Variants in AUTS2 observed in about 807,000 individuals in gnomAD.
The protein encoded by AUTS2 is autism susceptibility gene 2 protein.
Under a neutral mutation model 112.4 loss-of-function variants are expected in AUTS2, and 17 were observed. The ratio of observed to expected loss-of-function variants is 0.15; its 90% confidence interval spans 0.10 to 0.23. The LOEUF (loss-of-function observed/expected upper bound fraction) is 0.23. AUTS2 is among the 10% of genes least tolerant of loss of function. The pLI is 1.00. For synonymous variants in AUTS2, 751 were observed against 702.7 expected, an observed-to-expected ratio of 1.07 and a Z score of -1.09; for missense variants, 1,510 against 1,701.6, an observed-to-expected ratio of 0.89 and a Z score of 1.98.
At chr7:70,647,504 G>C (rs1053561818) in intron 5 of AUTS2, among the ~76,000 whole-genome samples, 15 of 152,188 alleles carry the variant, frequency 9.9e-5, no homozygotes, top group African/African-American at 3.6e-4. Flanking sequence ...AACTTGGCCA[G>C]CTCTGCTTTT....
intron 1 of AUTS2, among the ~76,000 whole-genome samples, chr7:69,742,661 G>A (rs925690423): frequency 2.0e-5 from 3 of 152,204 alleles, no homozygotes; most frequent in Non-Finnish European, 4.4e-5. Flanking sequence ...TCACTCGCTA[G>A]TTGTATATAC....
At chr7:69,996,050 TAATA>T (rs1798931455) in intron 2 of AUTS2, among the ~76,000 whole-genome samples, 1 of 152,212 alleles carries the variant, frequency 6.6e-6, no homozygotes. Context: ...ATGACCATTT[TAATA>T]AATAATTCAT....
At chr7:70,592,324 G>A (rs1802987785) in intron 5 of AUTS2, among the ~76,000 whole-genome samples, 1 of 152,006 alleles carries the variant, frequency 6.6e-6, no homozygotes, top group South Asian at 2.1e-4. Flanking sequence ...TGCTAGTTGT[G>A]TAATACTGCT....
At chr7:70,154,266 G>A (rs1430084055) in intron 4 of AUTS2, among the ~76,000 whole-genome samples, 1 of 152,178 alleles carries the variant, frequency 6.6e-6, no homozygotes, top group East Asian at 1.9e-4. Flanking sequence ...ATTTCTGTAG[G>A]TTTTGGGGGC....
intron 4 of AUTS2, among the ~76,000 whole-genome samples, chr7:70,256,851 C>T (rs1027842017): frequency 1.3e-5 from 2 of 152,184 alleles, no homozygotes; most frequent in East Asian, 3.8e-4. Flanking sequence ...TTTATCCCAC[C>T]TCAGCTCTCA....
chr7:70,026,879 G>A (rs150763878), intron 2 of AUTS2, among the ~76,000 whole-genome samples: 230 of 152,232 alleles, frequency 1.5e-3, no homozygotes, highest in Non-Finnish European at 2.7e-3. Context: ...AAGCTTATTC[G>A]TGGTTAGTTT....
chr7:69,810,498 C>A (rs1249439818), intron 1 of AUTS2, among the ~76,000 whole-genome samples: 1 of 150,966 alleles, frequency 6.6e-6, no homozygotes, highest in Non-Finnish European at 1.5e-5. Context: ...AGATCCTTGT[C>A]TCCGGGAGCC....
Position 70,227,963 on chromosome 7 carries a change from T to C in AUTS2, c.660+93392T>C, listed in dbSNP as rs181317355. On this transcript the variant is annotated intron_variant, in intron 4 of 18. Coordinates refer to ENST00000342771, the MANE Select transcript of AUTS2 (RefSeq NM_015570.4). ...TTGATAGTGTTGGTCAAGTCTACTA[T>C]ATTCTTGTTGGTTTTCTATCTAGGT... Among the ~76,000 whole-genome samples, 481 of 152,208 alleles carry C rather than the reference T, an allele frequency of 3.2e-3. 3 individuals carry two copies. The highest frequency in any genetic ancestry group is 3.4e-3 in the Non-Finnish European group (230 of 67,926).
chr7:69,750,979 A>G (rs1787715406), intron 1 of AUTS2, among the ~76,000 whole-genome samples: 1 of 152,074 alleles, frequency 6.6e-6, no homozygotes, highest in Non-Finnish European at 1.5e-5. Flanking sequence ...TTGGAAAATA[A>G]GGAGGGATAA....
At chr7:69,864,241 T>A (rs1793119642) in intron 1 of AUTS2, among the ~76,000 whole-genome samples, 1 of 152,198 alleles carries the variant, frequency 6.6e-6, no homozygotes, top group South Asian at 2.1e-4. Flanking sequence ...AGGAAATAAC[T>A]GCAATAAAGC....
intron 4 of AUTS2, among the ~76,000 whole-genome samples, chr7:70,414,342 CT>C (rs1181726751): frequency 2.0e-5 from 3 of 152,164 alleles, no homozygotes; most frequent in Non-Finnish European, 2.9e-5. Context: ...ACCAGCAAAG[CT>C]TTTGTAGCGA....
intron 5 of AUTS2, among the ~76,000 whole-genome samples, chr7:70,535,368 T>G (rs933063540): frequency 2.0e-5 from 3 of 151,994 alleles, no homozygotes; most frequent in Non-Finnish European, 4.4e-5. Flanking sequence ...AACTGAAAAT[T>G]CACTGCATTG....
intron 2 of AUTS2, among the ~76,000 whole-genome samples, chr7:69,916,149 G>T (rs1795571846): frequency 6.6e-6 from 1 of 152,222 alleles, no homozygotes; most frequent in Non-Finnish European, 1.5e-5. Flanking sequence ...TTTCCCAAAA[G>T]ATAATTTATA....
At chr7:69,824,607 T>A (rs1791158341) in intron 1 of AUTS2, 1 of 152,024 alleles carries the variant, frequency 6.6e-6, no homozygotes, top group South Asian at 2.1e-4. Context: ...CCCTCAGTTC[T>A]GAGAACCCTC....
chr7:70,470,761 C>T (rs565727853), intron 5 of AUTS2, among the ~76,000 whole-genome samples: 1 of 152,126 alleles, frequency 6.6e-6, no homozygotes, highest in South Asian at 2.1e-4. Context: ...GGTCTGTAAC[C>T]CCACCGGGAG....
chr7:70,318,100 T>G (rs991204356), intron 4 of AUTS2, among the ~76,000 whole-genome samples: 2 of 152,184 alleles, frequency 1.3e-5, no homozygotes, highest in African/African-American at 4.8e-5. Context: ...CCAGGCTCCT[T>G]TATGATTTAT....
intron 5 of AUTS2, among the ~76,000 whole-genome samples, chr7:70,440,254 A>G (rs1346576394): frequency 1.3e-5 from 2 of 149,868 alleles, no homozygotes; most frequent in Non-Finnish European, 3.0e-5. Flanking sequence ...AAAAAATCTT[A>G]AAACTTAACC....
At chr7:70,420,522 A>G (rs182324125) in intron 4 of AUTS2, among the ~76,000 whole-genome samples, 22 of 152,296 alleles carry the variant, frequency 1.4e-4, no homozygotes, top group Admixed American at 2.6e-4. Flanking sequence ...AGTACATAAT[A>G]AAGCCTAAGA....
chr7:70,740,308 T>C (rs1362739170), intron 6 of AUTS2, among the ~76,000 whole-genome samples: 1 of 152,250 alleles, frequency 6.6e-6, no homozygotes, highest in Admixed American at 6.5e-5. Context: ...GTGGTGCTAT[T>C]GCAGCTCCAA....
Sources: allele counts gnomAD v4.1 joint callset (sites outside exome capture counted in the v4.1 genomes callset), GRCh38; gene constraint gnomAD v4.1.1; transcripts MANE v1.5; gene names NCBI Gene and HGNC (gene_info 2026-07-23, HGNC 2026-07-21).